Variants in STARD13 observed in about 807,000 individuals in gnomAD.
STARD13 encodes stAR-related lipid transfer protein 13.
Under a neutral mutation model 106.4 loss-of-function variants are expected in STARD13, and 62 were observed. That is an observed-to-expected ratio of 0.58 (90% confidence interval 0.48 to 0.72). STARD13 has a LOEUF of 0.72. STARD13 is among the 30% of genes least tolerant of loss of function. The probability of loss-of-function intolerance (pLI) is 0.00; values close to 1 mark genes in which losing one functional copy is unlikely to be tolerated. For synonymous variants in STARD13, 565 were observed against 553.0 expected (o/e 1.02, Z -0.31); for missense variants, 1,387 against 1,424.0 (o/e 0.97, Z 0.42).
chr13:33,435,336 A>G, the STARD13 span, among the ~76,000 whole-genome samples: 1 of 152,184 alleles, frequency 6.6e-6, no homozygotes, highest in African/African-American at 2.4e-5. Context: ...AGCTAAAACT[A>G]AGTACTCAGA....
chr13:33,514,517 A>AAAGT, the STARD13 span, among the ~76,000 whole-genome samples: 1 of 152,106 alleles, frequency 6.6e-6, no homozygotes, highest in Admixed American at 6.6e-5. Flanking sequence ...AAAGTGAGTA[A>AAAGT]AAGTGGAAAG....
At chr13:33,548,225 A>AT in the STARD13 span, among the ~76,000 whole-genome samples, 7 of 152,072 alleles carry the variant, frequency 4.6e-5, no homozygotes, top group African/African-American at 7.2e-5. Flanking sequence ...AGGGGAAGTG[A>AT]TTTTTTTTGG....
At chr13:33,585,729 C>A in the STARD13 span, among the ~76,000 whole-genome samples, 2 of 152,140 alleles carry the variant, frequency 1.3e-5, no homozygotes, top group African/African-American at 2.4e-5. Flanking sequence ...TATATACATA[C>A]AATGGAATAT....
At chr13:33,296,321 A>G (rs1051116855) in intron 1 of STARD13, among the ~76,000 whole-genome samples, 1 of 152,142 alleles carries the variant, frequency 6.6e-6, no homozygotes, top group Admixed American at 6.5e-5. Flanking sequence ...TCATCACGCA[A>G]TGTATCTCTA....
chr13:33,398,571 T>C, the STARD13 span, among the ~76,000 whole-genome samples: 1 of 151,976 alleles, frequency 6.6e-6, no homozygotes, highest in Non-Finnish European at 1.5e-5. Context: ...AAGATATAGA[T>C]GCAGAATATA....
At chr13:33,371,992 G>A in the STARD13 span, among the ~76,000 whole-genome samples, 1 of 152,192 alleles carries the variant, frequency 6.6e-6, no homozygotes, top group African/African-American at 2.4e-5. Flanking sequence ...CAATCAGAAA[G>A]AAGTGTGAGG....
chr13:33,614,404 C>T, the STARD13 span, among the ~76,000 whole-genome samples: 1 of 151,376 alleles, frequency 6.6e-6, no homozygotes, highest in Non-Finnish European at 1.5e-5. Context: ...AGTAACTGGT[C>T]CCTTTGAGAC....
chr13:33,208,416 C>T (rs1255291366), intron 1 of STARD13, among the ~76,000 whole-genome samples: 2 of 152,122 alleles, frequency 1.3e-5, no homozygotes, highest in Non-Finnish European at 2.9e-5. Context: ...GACTCAGGAA[C>T]CTTCTGGTGC....
chr13:33,398,006 G>A, the STARD13 span, among the ~76,000 whole-genome samples: 1 of 152,278 alleles, frequency 6.6e-6, no homozygotes, highest in African/African-American at 2.4e-5. Flanking sequence ...GAATTTTGGG[G>A]TAATATAAAC....
At chr13:33,658,196 G>A in the STARD13 span, 18,061 of 154,474 alleles carry the variant, frequency 0.12, 1,861 homozygotes, top group African/African-American at 0.24. Context: ...TTCACTTAGC[G>A]TAATGTCCTC....
At chr13:33,650,154 C>T in the STARD13 span, among the ~76,000 whole-genome samples, 2 of 110,306 alleles carry the variant, frequency 1.8e-5, no homozygotes, top group South Asian at 3.2e-4. Context: ...CTGAATGTGA[C>T]GTGACTCCAA....
chr13:33,151,732 A>T (rs1881307201), intron 3 of STARD13, among the ~76,000 whole-genome samples: 1 of 152,232 alleles, frequency 6.6e-6, no homozygotes, highest in Non-Finnish European at 1.5e-5. Flanking sequence ...CGTAACATAG[A>T]TTTGCATTTT....
At chr13:33,404,247 AG>A in the STARD13 span, among the ~76,000 whole-genome samples, 1 of 152,250 alleles carries the variant, frequency 6.6e-6, no homozygotes, top group African/African-American at 2.4e-5. Flanking sequence ...AGGTCAAAAC[AG>A]CAACTGGATT....
At chr13:33,561,961 A>C in the STARD13 span, among the ~76,000 whole-genome samples, 2 of 147,094 alleles carry the variant, frequency 1.4e-5, no homozygotes, top group Non-Finnish European at 3.0e-5. Context: ...TTTTTTAAAA[A>C]TTTAGCAGCT....
chr13:33,472,198 T>A, the STARD13 span, among the ~76,000 whole-genome samples: 2 of 152,038 alleles, frequency 1.3e-5, no homozygotes, highest in East Asian at 3.8e-4. Context: ...TATTTTTAAT[T>A]TTTGAGGTTA....
chr13:33,192,232 C>T (rs1482921386), intron 1 of STARD13, among the ~76,000 whole-genome samples: 2 of 152,212 alleles, frequency 1.3e-5, no homozygotes, highest in Non-Finnish European at 2.9e-5. Context: ...GCAGTACTTA[C>T]TAAACAGGGA....
rs78480475 is a variant in STARD13, at chr13:33,215,125, G to T, written c.170-47503C>A. ...CAGGAATAGAATGAGTACTTGGGGG[G>T]GGGGGTGGGGGGAAATAAGCACCTC... On this transcript the variant is annotated intron_variant, in intron 1 of 13. Coordinates refer to ENST00000336934, the MANE Select transcript of STARD13 (RefSeq NM_178006.4). Among the ~76,000 whole-genome samples the T allele has an allele frequency of 5.9e-3, 746 of 125,988 alleles. 16 individuals are homozygous for T. The East Asian group carries it at 0.079, about 13-fold the overall frequency. The allele number at this position is 125,988 out of a possible 152,430, so 82.7% of individuals were successfully genotyped here.
chr13:33,272,584 C>T (rs1891217152), intron 1 of STARD13: 1 of 152,172 alleles, frequency 6.6e-6, no homozygotes, highest in Admixed American at 6.5e-5. Context: ...ATGGGTGATT[C>T]AGTGGAAATA....
the STARD13 span, among the ~76,000 whole-genome samples, chr13:33,542,179 T>C: frequency 1.3e-5 from 2 of 152,206 alleles, no homozygotes. Flanking sequence ...GCCTTTTTTA[T>C]TCCTTGTGAC....
Sources: allele counts gnomAD v4.1 joint callset (sites outside exome capture counted in the v4.1 genomes callset), GRCh38; gene constraint gnomAD v4.1.1; transcripts MANE v1.5; gene names NCBI Gene and HGNC (gene_info 2026-07-23, HGNC 2026-07-21).